The following FGF14 variants were observed in gnomAD, a reference collection of about 807,000 sequenced individuals.
The protein encoded by FGF14 is fibroblast growth factor 14, also known as fibroblast growth factor homologous factor 4.
In FGF14, 5 loss-of-function variants were observed where a neutral mutation model predicts 25.5. The ratio of observed to expected loss-of-function variants is 0.20; its 90% CI spans 0.10 to 0.41. The LOEUF (loss-of-function observed/expected upper bound fraction) is 0.41. Ranked by LOEUF, FGF14 falls within the 10% of genes least tolerant of loss-of-function variation. FGF14 has a pLI of 1.00. For synonymous variants in FGF14, 138 were observed against 118.3 expected (o/e 1.17, Z -1.08); for missense variants, 222 against 320.1 (o/e 0.69, Z 2.34).
intron 1 of FGF14, among the ~76,000 whole-genome samples, chr13:102,388,729 A>G (rs2058364619): frequency 6.6e-6 from 1 of 152,190 alleles, no homozygotes; most frequent in African/African-American, 2.4e-5. Context: ...TTGCTTTCTT[A>G]GTACAAAAAT....
At chr13:102,205,837 G>A (rs955481863) in intron 1 of FGF14, among the ~76,000 whole-genome samples, 3 of 151,032 alleles carry the variant, frequency 2.0e-5, no homozygotes, top group African/African-American at 7.3e-5. Context: ...AATGGGAAGT[G>A]GAAAGTGGGT....
At chr13:102,251,560 G>A (rs1323718966) in intron 1 of FGF14, among the ~76,000 whole-genome samples, 3 of 152,122 alleles carry the variant, frequency 2.0e-5, no homozygotes, top group Non-Finnish European at 1.5e-5. Flanking sequence ...CTGCATAAAG[G>A]ACAAAAACAA....
At chr13:101,827,068 C>T (rs974397846) in intron 3 of FGF14, among the ~76,000 whole-genome samples, 2 of 151,900 alleles carry the variant, frequency 1.3e-5, no homozygotes, top group African/African-American at 4.8e-5. Flanking sequence ...AAGAACATGA[C>T]AGCTTCCAGC....
chr13:101,821,713 C>A (rs374795766), intron 3 of FGF14, among the ~76,000 whole-genome samples: 26 of 152,242 alleles, frequency 1.7e-4, no homozygotes, highest in African/African-American at 6.3e-4. Context: ...GTATTCTCAG[C>A]CATGTTAATT....
chr13:101,805,825 C>A (rs981093971), intron 3 of FGF14, among the ~76,000 whole-genome samples: 2 of 151,986 alleles, frequency 1.3e-5, no homozygotes, highest in African/African-American at 4.8e-5. Context: ...AGTCAAAAAA[C>A]ACTTCAATAA....
intron 1 of FGF14, among the ~76,000 whole-genome samples, chr13:101,910,837 CGT>C (rs59758881): frequency 0.061 from 7,911 of 128,966 alleles, 211 homozygotes; most frequent in Middle Eastern, 0.11. Context: ...GATTTGGATT[CGT>C]GTGTGTGTGT....
chr13:101,887,474 C>G (rs1364217371), intron 1 of FGF14, among the ~76,000 whole-genome samples: 3 of 151,752 alleles, frequency 2.0e-5, no homozygotes, highest in African/African-American at 7.3e-5. Flanking sequence ...ACTGGAGGAC[C>G]TTATGTTAAG....
chr13:102,064,972 T>C (rs528797860), intron 1 of FGF14, among the ~76,000 whole-genome samples: 41 of 151,990 alleles, frequency 2.7e-4, no homozygotes, highest in Non-Finnish European at 4.3e-4. Context: ...AAAAAGAAAA[T>C]TGAATGCTAA....
At chr13:102,108,984 C>T (rs1191217149) in intron 1 of FGF14, among the ~76,000 whole-genome samples, 6 of 80,414 alleles carry the variant, frequency 7.5e-5, no homozygotes. Context: ...CAGAGGCTTT[C>T]AGCTAGGTTT....
intron 1 of FGF14, among the ~76,000 whole-genome samples, chr13:102,386,401 G>A (rs1482097312): frequency 1.3e-5 from 2 of 151,874 alleles, no homozygotes; most frequent in East Asian, 3.9e-4. Context: ...CAAAGTGCTG[G>A]GATTACAGGT....
At chr13:101,962,864 C>G (rs1038476850) in intron 1 of FGF14, among the ~76,000 whole-genome samples, 14 of 152,296 alleles carry the variant, frequency 9.2e-5, no homozygotes, top group African/African-American at 3.4e-4. Context: ...CTAACTTTGT[C>G]CTTTGCCGTG....
At chr13:102,107,978 G>C (rs965916675) in intron 1 of FGF14, among the ~76,000 whole-genome samples, 3 of 152,032 alleles carry the variant, frequency 2.0e-5, no homozygotes, top group African/African-American at 7.2e-5. Context: ...ATATTCTCAT[G>C]GTTCTAATGA....
chr13:102,309,979 A>G (rs2055645088), intron 1 of FGF14, among the ~76,000 whole-genome samples: 1 of 152,214 alleles, frequency 6.6e-6, no homozygotes, highest in Non-Finnish European at 1.5e-5. Context: ...ATGCACAGAT[A>G]TCTCTTAAAA....
intron 3 of FGF14, among the ~76,000 whole-genome samples, chr13:101,822,634 T>G (rs1210743997): frequency 6.6e-6 from 1 of 152,164 alleles, no homozygotes; most frequent in Non-Finnish European, 1.5e-5. Flanking sequence ...ATGGAGTACA[T>G]ATGATATTTT....
intron 1 of FGF14, among the ~76,000 whole-genome samples, chr13:102,316,589 C>T (rs1164821751): frequency 6.6e-6 from 1 of 152,122 alleles, no homozygotes; most frequent in Non-Finnish European, 1.5e-5. Flanking sequence ...AAACAAAATA[C>T]ATTTACAAAT....
chr13:101,786,787 A>G (rs12584588), intron 3 of FGF14, among the ~76,000 whole-genome samples: 21,492 of 152,192 alleles, frequency 0.14, 2,002 homozygotes, highest in East Asian at 0.35. Context: ...TTCTTTTTCC[A>G]GATCATCTGA....
intron 1 of FGF14, among the ~76,000 whole-genome samples, chr13:102,089,421 A>G (rs1378397355): frequency 3.9e-5 from 6 of 152,214 alleles, no homozygotes; most frequent in Admixed American, 6.5e-5. Context: ...ATGGGCTTCC[A>G]TTCATGCCCT....
chr13:102,019,902 A>G (rs922471324), intron 1 of FGF14, among the ~76,000 whole-genome samples: 1 of 152,290 alleles, frequency 6.6e-6, no homozygotes, highest in East Asian at 1.9e-4. Context: ...AACATTATGG[A>G]TGCCTTTCAT....
intron 1 of FGF14, among the ~76,000 whole-genome samples, chr13:102,366,209 A>G (rs2057707681): frequency 6.6e-6 from 1 of 152,154 alleles, no homozygotes; most frequent in African/African-American, 2.4e-5. Context: ...ACTCGTACCC[A>G]GTCTTCCCCT....
Sources: allele counts gnomAD v4.1 joint callset (sites outside exome capture counted in the v4.1 genomes callset), GRCh38; gene constraint gnomAD v4.1.1; transcripts MANE v1.5; gene names NCBI Gene and HGNC (gene_info 2026-07-23, HGNC 2026-07-21).